FAM120B: variants seen among roughly 807,000 people sequenced by gnomAD.
FAM120B encodes family with sequence similarity 120 member B.
In FAM120B, 83 loss-of-function variants were observed where a neutral mutation model predicts 96.3. The observed-to-expected ratio is 0.86, with a 90% CI of 0.72 to 1.03. The LOEUF is 1.03. FAM120B is among the 50% of genes least tolerant of loss of function. The pLI, the probability that FAM120B is intolerant of heterozygous loss-of-function variation, is 0.00. For missense variants in FAM120B, 1,027 were observed against 1,121.2 expected (o/e 0.92, Z 1.20); for synonymous variants, 407 against 402.7 (o/e 1.01, Z -0.13).
At chr6:170,330,719 AATGGAAGGATG>A (rs1785965279) in intron 4 of FAM120B, 169 bp downstream of exon 4, 2 of 612,576 alleles carry the variant, frequency 3.3e-6, no homozygotes, top group South Asian at 4.0e-5. Context: ...GTCCCAAAAT[AATGGAAGGATG>A]ATGCTGTGGC....
chr6:170,304,545 TTC>T (rs1309974988), upstream of FAM120B, among the ~76,000 whole-genome samples: 7 of 152,298 alleles, frequency 4.6e-5, no homozygotes, highest in East Asian at 1.9e-4. Flanking sequence ...CATTTGTGTT[TTC>T]TCTTTTTCTT....
At chr6:170,307,638 CAAG>C (rs1784369120) in intron 1 of FAM120B, among the ~76,000 whole-genome samples, 1 of 151,994 alleles carries the variant, frequency 6.6e-6, no homozygotes, top group Non-Finnish European at 1.5e-5. Context: ...ATTTGTGAGA[CAAG>C]AAATGTTGGT....
At chr6:170,353,673 T>C (rs1787721072) in intron 5 of FAM120B, among the ~76,000 whole-genome samples, 1 of 152,022 alleles carries the variant, frequency 6.6e-6, no homozygotes, top group South Asian at 2.1e-4. Flanking sequence ...CATTCACAAT[T>C]GCTACAAAAA....
intron 3 of FAM120B, among the ~76,000 whole-genome samples, chr6:170,324,525 AAAAG>A (rs1785477361): frequency 6.6e-6 from 1 of 152,262 alleles, no homozygotes; most frequent in Non-Finnish European, 1.5e-5. Flanking sequence ...AATGATGGAA[AAAAG>A]AGATCTTCCT....
At chr6:170,394,496 C>T (rs112066779) in intron 8 of FAM120B, among the ~76,000 whole-genome samples, 10 of 137,416 alleles carry the variant, frequency 7.3e-5, no homozygotes, top group Middle Eastern at 4.6e-3. Context: ...CCGCAGCATG[C>T]CAGCACAAGG....
chr6:170,342,357 A>C (rs922159884), intron 4 of FAM120B, among the ~76,000 whole-genome samples: 4 of 152,212 alleles, frequency 2.6e-5, no homozygotes, highest in African/African-American at 7.2e-5. Flanking sequence ...CAAGCCAGGC[A>C]GTTTTACGTT....
upstream of FAM120B, among the ~76,000 whole-genome samples, chr6:170,294,852 C>T (rs1783960275): frequency 6.6e-6 from 1 of 152,216 alleles, no homozygotes; most frequent in South Asian, 2.1e-4. This position sits in a 1 kb window ranked among gnomAD's most constrained non-coding sequence, Gnocchi z 7.9. Flanking sequence ...CAACTGAATA[C>T]TGTATACCCA....
chr6:170,361,214 A>ATACACG (rs1554286411), intron 6 of FAM120B, among the ~76,000 whole-genome samples: 46 of 100,094 alleles, frequency 4.6e-4, no homozygotes, highest in Non-Finnish European at 7.8e-4. Flanking sequence ...ATATATATAT[A>ATACACG]TATATATATA....
chr6:170,380,606 C>T (rs1288946127), intron 6 of FAM120B, among the ~76,000 whole-genome samples: 1 of 152,198 alleles, frequency 6.6e-6, no homozygotes, highest in African/African-American at 2.4e-5. Flanking sequence ...TGATTAGTGT[C>T]GGACACCTTG....
chr6:170,396,428 T>C (rs966135308), intron 9 of FAM120B, among the ~76,000 whole-genome samples: 4 of 152,246 alleles, frequency 2.6e-5, no homozygotes, highest in African/African-American at 9.6e-5. Context: ...TATTGCTGAC[T>C]GTAGATGAGA....
intron 8 of FAM120B, among the ~76,000 whole-genome samples, 194 bp from the exon 9 acceptor site, chr6:170,395,293 G>A (rs988014488): frequency 6.6e-6 from 1 of 152,186 alleles, no homozygotes; most frequent in Admixed American, 6.5e-5. Flanking sequence ...TTAACACGCA[G>A]ATCTGTGACT....
At chr6:170,378,595 T>G (rs1562584710) in intron 6 of FAM120B, among the ~76,000 whole-genome samples, 1 of 152,126 alleles carries the variant, frequency 6.6e-6, no homozygotes, top group African/African-American at 2.4e-5. Flanking sequence ...ATCTGCAGCC[T>G]AGAGGGGGAA....
intron 6 of FAM120B, among the ~76,000 whole-genome samples, chr6:170,376,921 C>T (rs892199099): frequency 9.3e-5 from 14 of 150,438 alleles, no homozygotes; most frequent in South Asian, 2.1e-4. Context: ...TTTGCACACG[C>T]GTCCCTAAAC....
chr6:170,378,763 G>A (rs2115278053), intron 6 of FAM120B, among the ~76,000 whole-genome samples: 1 of 152,344 alleles, frequency 6.6e-6, no homozygotes, highest in South Asian at 2.1e-4. Context: ...TCCTGGTTGT[G>A]GGCGGGGTGG....
At chr6:170,387,203 T>C (rs1790234709) in intron 6 of FAM120B, among the ~76,000 whole-genome samples, 2 of 152,344 alleles carry the variant, frequency 1.3e-5, no homozygotes, top group Admixed American at 6.5e-5. Flanking sequence ...ATAGTAGTGC[T>C]GTGCAACAAA....
At position 170,317,833 on chromosome 6, in the gene FAM120B, T is replaced by C; in HGVS notation, c.443T>C (p.Leu148Pro). The part of the protein sequence containing the change: ...AVFTRFALKT[L>P]GQETLCSLQE... Reference sequence around the variant, plus strand: ...TTTACACGATTTGCTCTAAAGACACTGGGCCAGGAAACTTTGTGTTCTTTG... The same window carrying C: ...TTTACACGATTTGCTCTAAAGACACCGGGCCAGGAAACTTTGTGTTCTTTG... Residue 148 changes from leucine (L) to proline (P), a missense_variant, in exon 2 of 11, where the codon CTG becomes CCG. Physicochemically the swap from Leu to Pro is moderately conservative, Grantham distance 98. Coordinates refer to ENST00000476287, the MANE Select transcript of FAM120B (RefSeq NM_032448.3). The C allele has an allele frequency of 6.2e-7, 1 of 1,614,218 alleles. No homozygotes were observed. The highest frequency in any genetic ancestry group is 8.5e-7 in the Non-Finnish European group (1 of 1,180,036).
At chr6:170,310,096 A>G (rs1784500725) in intron 1 of FAM120B, among the ~76,000 whole-genome samples, 2 of 152,224 alleles carry the variant, frequency 1.3e-5, no homozygotes, top group Middle Eastern at 3.4e-3. Flanking sequence ...AAGTTTCTAT[A>G]TTTTTCTCTA....
chr6:170,309,488 A>T (rs1424080462), intron 1 of FAM120B, among the ~76,000 whole-genome samples: 1 of 152,246 alleles, frequency 6.6e-6, no homozygotes, highest in Admixed American at 6.5e-5. Context: ...ATTAATAAAG[A>T]GGAATCTATT....
intron 6 of FAM120B, among the ~76,000 whole-genome samples, chr6:170,383,227 G>A (rs1418785707): frequency 6.6e-6 from 1 of 152,004 alleles, no homozygotes; most frequent in Non-Finnish European, 1.5e-5. Flanking sequence ...GAAGATCTTT[G>A]GTATCTAGGG....
Sources: allele counts gnomAD v4.1 joint callset (sites outside exome capture counted in the v4.1 genomes callset), GRCh38; gene constraint gnomAD v4.1.1; non-coding constraint Gnocchi (gnomAD v3.1); transcripts MANE v1.5; gene names NCBI Gene and HGNC (gene_info 2026-07-23, HGNC 2026-07-21).